Variants in SYT6 observed in about 807,000 individuals in gnomAD.
The protein encoded by SYT6 is synaptotagmin 6.
Under a neutral mutation model 38.4 loss-of-function variants are expected in SYT6, and 24 were observed. That is an observed-to-expected ratio of 0.62 (90% CI 0.45 to 0.88). SYT6 has a LOEUF of 0.88. Ranked by LOEUF, SYT6 falls within the 40% of genes least tolerant of loss-of-function variation. The probability of loss-of-function intolerance (pLI) is 0.00; values close to 1 mark genes in which losing one functional copy is unlikely to be tolerated. For missense variants in SYT6, 611 were observed against 621.0 expected, an observed-to-expected ratio of 0.98 and a Z score of 0.17; for synonymous variants, 265 against 241.9, an observed-to-expected ratio of 1.10 and a Z score of -0.89.
At chr1:114,109,353 A>T (rs1305036817) in intron 3 of SYT6, among the ~76,000 whole-genome samples, 1 of 152,222 alleles carries the variant, frequency 6.6e-6, no homozygotes, top group Non-Finnish European at 1.5e-5. Context: ...GATGTGTAGT[A>T]AGTGCTCAGC....
intron 1 of SYT6, among the ~76,000 whole-genome samples, chr1:114,140,829 C>G (rs141406223): frequency 6.6e-6 from 1 of 152,154 alleles, no homozygotes; most frequent in Non-Finnish European, 1.5e-5. Context: ...GTGTCTGTCA[C>G]GTTTTGTTAA....
intron 3 of SYT6, among the ~76,000 whole-genome samples, chr1:114,112,345 T>C (rs1000248024): frequency 6.6e-6 from 1 of 152,206 alleles, no homozygotes; most frequent in Admixed American, 6.5e-5. Context: ...GGGAAGCAAA[T>C]GTTTCAGCAT....
chr1:114,119,470 C>T (rs527628507), intron 3 of SYT6, among the ~76,000 whole-genome samples: 16 of 152,350 alleles, frequency 1.1e-4, no homozygotes, highest in Middle Eastern at 3.4e-3. Flanking sequence ...TGCTGTGTGC[C>T]GATGGGCACT....
chr1:114,106,062 G>C (rs993235180), intron 3 of SYT6, among the ~76,000 whole-genome samples: 2 of 152,198 alleles, frequency 1.3e-5, no homozygotes, highest in African/African-American at 4.8e-5. Context: ...AGTCAAGAGA[G>C]AGACACATAG....
At chr1:114,126,523 C>G (rs543730360) in intron 3 of SYT6, among the ~76,000 whole-genome samples, 1 of 152,268 alleles carries the variant, frequency 6.6e-6, no homozygotes, top group South Asian at 2.1e-4. Flanking sequence ...ACCAAATAGT[C>G]TCTCTCCAGG....
intron 5 of SYT6, among the ~76,000 whole-genome samples, chr1:114,098,550 A>G (rs1169786162): frequency 2.0e-5 from 3 of 152,232 alleles, no homozygotes; most frequent in Non-Finnish European, 4.4e-5. Flanking sequence ...TGCTGGGTCC[A>G]GATTAGGGAA....
intron 3 of SYT6, among the ~76,000 whole-genome samples, chr1:114,127,371 T>C (rs2101056061): frequency 6.6e-6 from 1 of 152,172 alleles, no homozygotes; most frequent in African/African-American, 2.4e-5. Context: ...AACCCACACC[T>C]CTCCTCTTTC....
chr1:114,093,074 G>A (rs188667057), intron 7 of SYT6, among the ~76,000 whole-genome samples: 18 of 152,286 alleles, frequency 1.2e-4, no homozygotes, highest in African/African-American at 4.3e-4. Flanking sequence ...CTTCTCATGA[G>A]CGTTGAGGGT....
At chr1:114,110,948 T>G (rs906140475) in intron 3 of SYT6, among the ~76,000 whole-genome samples, 2 of 152,218 alleles carry the variant, frequency 1.3e-5, no homozygotes, top group African/African-American at 2.4e-5. Context: ...ACACTTGTTT[T>G]GTAGTTGGAA....
chr1:114,152,611 G>C (rs978542229), intron 1 of SYT6: 2 of 152,256 alleles, frequency 1.3e-5, no homozygotes, highest in Admixed American at 1.3e-4. Context: ...CACTGGTGCA[G>C]CAGGTAAATA....
At chr1:114,116,700 A>G (rs997938420) in intron 3 of SYT6, among the ~76,000 whole-genome samples, 1 of 152,106 alleles carries the variant, frequency 6.6e-6, no homozygotes, top group African/African-American at 2.4e-5. Context: ...TGATCAGCCA[A>G]CTTACCCAGT....
At chr1:114,102,126 A>G (rs955375221) in intron 4 of SYT6, among the ~76,000 whole-genome samples, 1 of 152,156 alleles carries the variant, frequency 6.6e-6, no homozygotes, top group Non-Finnish European at 1.5e-5. Flanking sequence ...TACACCAGAG[A>G]AGATAGTGTG....
At chr1:114,147,793 T>C (rs1051254042) in intron 1 of SYT6, among the ~76,000 whole-genome samples, 15 of 152,360 alleles carry the variant, frequency 9.8e-5, no homozygotes, top group Admixed American at 2.6e-4. Flanking sequence ...TGCAGAATCA[T>C]TGTGAATATT....
At chr1:114,135,916 C>T (rs751078865) in intron 3 of SYT6, among the ~76,000 whole-genome samples, 6 of 152,218 alleles carry the variant, frequency 3.9e-5, no homozygotes, top group Non-Finnish European at 7.3e-5. Context: ...GGAAGAGCTG[C>T]ACCAAATGTA....
chr1:114,153,011 C>T (rs1441559554), intron 1 of SYT6: 1 of 151,622 alleles, frequency 6.6e-6, no homozygotes, highest in Non-Finnish European at 1.5e-5. Flanking sequence ...TCCCCCACCC[C>T]GCCCCCTGTC....
chr1:114,091,967 A>C lies in SYT6; in HGVS notation c.*167T>G. On this transcript the variant is annotated 3_prime_UTR_variant, in exon 8 of 8. Coordinates refer to ENST00000610222, the MANE Select transcript of SYT6 (RefSeq NM_001253772.2). ...TGTTTAGACGGTTGAACAAGTGCAA[A>C]GAGAACATTGCTGAGTCCCATTTGT... is the stretch of plus-strand genomic sequence containing the variant. The C allele has an allele frequency of 2.6e-6, 4 of 1,526,900 alleles. No individual in the cohort carries two copies. The highest frequency in any genetic ancestry group is 3.5e-6 in the Non-Finnish European group (4 of 1,138,526). The allele number at this position is 1,526,900 out of a possible 1,614,324, so 94.6% of individuals were successfully genotyped here.
chr1:114,129,838 G>GGTTTTTTTT (rs1553183173), intron 3 of SYT6, among the ~76,000 whole-genome samples: 1 of 106,688 alleles, frequency 9.4e-6, no homozygotes, highest in African/African-American at 5.6e-5. Flanking sequence ...CACCACACCT[G>GGTTTTTTTT]TTTTTTTTTT....
intron 1 of SYT6, 41 bp downstream of exon 1, chr1:114,153,569 C>T: frequency 1.7e-6 from 1 of 579,574 alleles, no homozygotes; most frequent in Non-Finnish European, 3.1e-6. Context: ...GATCGCAGGA[C>T]GGATATCCAG....
intron 1 of SYT6, among the ~76,000 whole-genome samples, chr1:114,145,499 TAA>T (rs1346826429): frequency 1.5e-5 from 2 of 131,358 alleles, no homozygotes; most frequent in Non-Finnish European, 3.1e-5. Context: ...TTGGAGGTAT[TAA>T]GTTTTTTTTT....
Sources: gnomAD v4.1 joint callset for allele counts (sites outside exome capture counted in the v4.1 genomes callset) on GRCh38, gnomAD v4.1.1 for gene constraint, MANE v1.5 for transcripts, NCBI Gene and HGNC (gene_info 2026-07-23, HGNC 2026-07-21) for gene names.